Variants in FBN1 observed in about 807,000 individuals in gnomAD.
The protein encoded by FBN1 is fibrillin-1.
A neutral mutation model predicts 365.1 loss-of-function variants in FBN1; 29 were observed. That is an observed-to-expected ratio of 0.08 (90% CI 0.06 to 0.11). The LOEUF is 0.11. Ranked by LOEUF, FBN1 falls within the 10% of genes least tolerant of loss-of-function variation. FBN1 has a pLI of 1.00. For missense variants in FBN1, 2,476 were observed against 3,703.2 expected, an observed-to-expected ratio of 0.67 and a Z score of 8.60; for synonymous variants, 1,210 against 1,270.5, an observed-to-expected ratio of 0.95 and a Z score of 1.01.
intron 42 of FBN1, among the ~76,000 whole-genome samples, chr15:48,460,885 C>G (rs1225225417): frequency 6.6e-6 from 1 of 152,126 alleles, no homozygotes; most frequent in African/African-American, 2.4e-5. Flanking sequence ...TTTTCTGTCT[C>G]TCTCTGTCTT....
intron 24 of FBN1, among the ~76,000 whole-genome samples, chr15:48,491,607 T>TC (rs1363943117): frequency 6.6e-6 from 1 of 152,212 alleles, no homozygotes; most frequent in Non-Finnish European, 1.5e-5. Context: ...TGCCTCGGCC[T>TC]CCCGAAGTGC....
intron 6 of FBN1, among the ~76,000 whole-genome samples, chr15:48,568,576 T>A (rs964881512): frequency 6.6e-6 from 1 of 151,912 alleles, no homozygotes; most frequent in African/African-American, 2.4e-5. Flanking sequence ...AAGAATAAAG[T>A]TGGAGGACTT....
intron 64 of FBN1, 94 bp downstream of exon 64, chr15:48,415,442 T>A: frequency 7.3e-6 from 7 of 962,352 alleles, no homozygotes; most frequent in Non-Finnish European, 1.2e-5. Flanking sequence ...AGCATGGTTC[T>A]CCTCTGCTAG....
intron 9 of FBN1, among the ~76,000 whole-genome samples, chr15:48,525,244 G>T (rs548402521): frequency 6.6e-6 from 1 of 152,078 alleles, no homozygotes; most frequent in East Asian, 1.9e-4. Flanking sequence ...CCGCCACGAC[G>T]CCTGGCAAAT....
intron 4 of FBN1, among the ~76,000 whole-genome samples, chr15:48,600,592 C>T (rs2044555922): frequency 6.6e-6 from 1 of 152,098 alleles, no homozygotes; most frequent in South Asian, 2.1e-4. Context: ...TAATCCCAGC[C>T]ACTCCGGAGG....
chr15:48,612,926 C>A (rs2044668042), intron 3 of FBN1, 84 bp downstream of exon 3: 4 of 993,310 alleles, frequency 4.0e-6, no homozygotes, highest in Non-Finnish European at 6.5e-6. Context: ...AGTACAGTTA[C>A]AAAAGGCCAC....
At chr15:48,465,944 A>G (rs892822720) in intron 38 of FBN1, 86 bp from the exon 39 acceptor site, 1 of 898,484 alleles carries the variant, frequency 1.1e-6, no homozygotes, top group African/African-American at 1.7e-5. Context: ...CACATATCCA[A>G]CTGAAAATGT....
At chr15:48,443,028 T>G (rs765604003) in intron 49 of FBN1, among the ~76,000 whole-genome samples, 1 of 152,202 alleles carries the variant, frequency 6.6e-6, no homozygotes, top group Non-Finnish European at 1.5e-5. Flanking sequence ...ATTAACCTTA[T>G]TATCTTGACT....
At chr15:48,605,196 CA>C (rs568522134) in intron 4 of FBN1, among the ~76,000 whole-genome samples, 1 of 151,418 alleles carries the variant, frequency 6.6e-6, no homozygotes, top group Non-Finnish European at 1.5e-5. Context: ...ATAGCTAAAA[CA>C]AAAAAAGGAT....
At chr15:48,555,799 G>A (rs533521176) in intron 6 of FBN1, among the ~76,000 whole-genome samples, 2 of 152,266 alleles carry the variant, frequency 1.3e-5, no homozygotes, top group African/African-American at 2.4e-5. Flanking sequence ...CCTTAGATGA[G>A]CTCATGTGAA....
At chr15:48,632,410 T>C (rs1022270178) in intron 2 of FBN1, among the ~76,000 whole-genome samples, 4 of 152,210 alleles carry the variant, frequency 2.6e-5, no homozygotes, top group Non-Finnish European at 2.9e-5. Flanking sequence ...ATGTCAGGCA[T>C]AGTACTAAGA....
chr15:48,515,246 G>A (rs750236220), intron 12 of FBN1, 141 bp downstream of exon 12: 2 of 882,472 alleles, frequency 2.3e-6, no homozygotes, highest in Non-Finnish European at 3.6e-6. Flanking sequence ...CTAACCTACA[G>A]AGCTGAAAGA....
chr15:48,495,725 T>C (rs1311856578), intron 20 of FBN1, 137 bp from the exon 21 acceptor site: 3 of 1,066,280 alleles, frequency 2.8e-6, no homozygotes, highest in Admixed American at 1.9e-5. Flanking sequence ...TTTCCTACAC[T>C]AGATGGAATG....
chr15:48,475,503 C>T (rs574949010), intron 32 of FBN1, among the ~76,000 whole-genome samples: 11 of 152,128 alleles, frequency 7.2e-5, no homozygotes, highest in Admixed American at 5.9e-4. Flanking sequence ...TTTTCCAAAA[C>T]GAGCCCATTC....
intron 60 of FBN1, among the ~76,000 whole-genome samples, chr15:48,422,477 G>A (rs2042951454): frequency 6.6e-6 from 1 of 152,194 alleles, no homozygotes; most frequent in African/African-American, 2.4e-5. Flanking sequence ...AAATGTTGAA[G>A]CTGGAAATGA....
chr15:48,618,693 AG>A (rs1889707356), intron 2 of FBN1, among the ~76,000 whole-genome samples: 1 of 152,188 alleles, frequency 6.6e-6, no homozygotes. Context: ...GCCACACAGC[AG>A]GGGGTAAGTG....
At chr15:48,506,078 C>T (rs11855166) in intron 15 of FBN1, among the ~76,000 whole-genome samples, 25,757 of 151,960 alleles carry the variant, frequency 0.17, 2,332 homozygotes, top group East Asian at 0.36. Context: ...CAAAAATCAG[C>T]TGGGCATGAT....
At chr15:48,449,463 C>T (rs1463311395) in intron 45 of FBN1, among the ~76,000 whole-genome samples, 1 of 152,188 alleles carries the variant, frequency 6.6e-6, no homozygotes, top group African/African-American at 2.4e-5. Flanking sequence ...TAGCATGTGA[C>T]AACCTGAACA....
intron 8 of FBN1, among the ~76,000 whole-genome samples, chr15:48,526,907 C>T (rs1276582993): frequency 2.6e-5 from 4 of 152,186 alleles, no homozygotes; most frequent in African/African-American, 9.7e-5. Context: ...GGCTCTCAGC[C>T]CCTTCTAAGA....
Sources: allele counts gnomAD v4.1 joint callset (sites outside exome capture counted in the v4.1 genomes callset), GRCh38; gene constraint gnomAD v4.1.1; transcripts MANE v1.5; gene names NCBI Gene and HGNC (gene_info 2026-07-23, HGNC 2026-07-21).